Variants in EXT2 observed in about 807,000 individuals in gnomAD.
EXT2 encodes exostosin glycosyltransferase 2.
Under a neutral mutation model 81.6 loss-of-function variants are expected in EXT2, and 53 were observed. The ratio of observed to expected loss-of-function variants is 0.65; its 90% CI spans 0.52 to 0.82. EXT2 has a LOEUF of 0.82. Ranked by LOEUF, EXT2 falls within the 40% of genes least tolerant of loss-of-function variation. The probability of loss-of-function intolerance (pLI) is 0.00; values close to 1 mark genes in which losing one functional copy is unlikely to be tolerated. For synonymous variants in EXT2, 320 were observed against 340.0 expected (o/e 0.94, Z 0.65); for missense variants, 774 against 910.2 (o/e 0.85, Z 1.93).
chr11:44,137,942 A>G (rs1236894126), intron 7 of EXT2, among the ~76,000 whole-genome samples: 1 of 152,190 alleles, frequency 6.6e-6, no homozygotes, highest in East Asian at 1.9e-4. Context: ...AGTAATACAT[A>G]AATTATAAGG....
chr11:44,169,326 T>C (rs1265715880), intron 7 of EXT2, among the ~76,000 whole-genome samples: 1 of 151,978 alleles, frequency 6.6e-6, no homozygotes, highest in Non-Finnish European at 1.5e-5. Flanking sequence ...GCACAGCAGA[T>C]AGGAGAGAGC....
Position 44,236,219 on chromosome 11 carries a change from A to C in EXT2, c.1936-74A>C. On this transcript the variant is annotated intron_variant, in intron 12 of 13. Transcript: ENST00000533608. ...CTCAGCTTACAACACAAAAGAATGC[A>C]GTGTGGTGTCACAAGCATGATTTTA... The C allele has an allele frequency of 2.4e-6, 3 of 1,258,612 alleles. No individual in the cohort carries two copies. The South Asian group carries it at 3.6e-5, about 15-fold the overall frequency. The allele number at this position is 1,258,612 out of a possible 1,614,324, so 78.0% of individuals were successfully genotyped here.
chr11:44,132,196 C>T (rs1397773635), intron 7 of EXT2, among the ~76,000 whole-genome samples: 2 of 152,212 alleles, frequency 1.3e-5, no homozygotes, highest in African/African-American at 4.8e-5. Flanking sequence ...TTCTTCTCCA[C>T]CCCTCCACCC....
intron 10 of EXT2, among the ~76,000 whole-genome samples, chr11:44,219,112 A>G (rs369419429): frequency 6.0e-4 from 92 of 152,218 alleles, no homozygotes; most frequent in African/African-American, 2.0e-3. Flanking sequence ...AGAATCTGCA[A>G]TTCTAAATAA....
At chr11:44,129,080 T>C (rs1678168356) in intron 6 of EXT2, among the ~76,000 whole-genome samples, 1 of 152,234 alleles carries the variant, frequency 6.6e-6, no homozygotes, top group African/African-American at 2.4e-5. Flanking sequence ...CCACCACATC[T>C]AATCTGTTAG....
intron 7 of EXT2, among the ~76,000 whole-genome samples, chr11:44,161,213 A>T (rs541682547): frequency 6.6e-6 from 1 of 152,324 alleles, no homozygotes; most frequent in Admixed American, 6.5e-5. Context: ...TTTAAGGCAA[A>T]TGTCAGATTT....
chr11:44,195,793 A>G (rs1478077251), intron 8 of EXT2, among the ~76,000 whole-genome samples: 1 of 152,220 alleles, frequency 6.6e-6, no homozygotes, highest in Non-Finnish European at 1.5e-5. Flanking sequence ...ACCTTCTGGC[A>G]AAGATGGAAT....
intron 1 of EXT2, chr11:44,096,351 C>T (rs1383677547): frequency 6.6e-7 from 1 of 1,516,588 alleles, no homozygotes. Flanking sequence ...CATGTTATGC[C>T]GGGGACTGGG....
chr11:44,182,667 G>T (rs1955252126), intron 8 of EXT2, among the ~76,000 whole-genome samples: 1 of 152,042 alleles, frequency 6.6e-6, no homozygotes, highest in Non-Finnish European at 1.5e-5. Context: ...ATGTGTATGT[G>T]TATTTTTTCC....
intron 7 of EXT2, 101 bp downstream of exon 7, chr11:44,130,239 T>A (rs1422681074): frequency 1.2e-6 from 1 of 864,246 alleles, no homozygotes; most frequent in African/African-American, 1.7e-5. Context: ...TGGGGTTTAC[T>A]TCCTCCACTA....
chr11:44,168,767 A>G (rs1327300040), intron 7 of EXT2, among the ~76,000 whole-genome samples: 1 of 152,240 alleles, frequency 6.6e-6, no homozygotes, highest in Non-Finnish European at 1.5e-5. Context: ...TTATTTGGGT[A>G]AAAAGAAGCT....
At chr11:44,181,579 G>A (rs1367020030) in intron 8 of EXT2, among the ~76,000 whole-genome samples, 1 of 151,910 alleles carries the variant, frequency 6.6e-6, no homozygotes, top group African/African-American at 2.4e-5. Context: ...TATTTTCTCA[G>A]TTTTGTATTC....
At chr11:44,143,046 G>C (rs1954666906) in intron 7 of EXT2, among the ~76,000 whole-genome samples, 1 of 152,204 alleles carries the variant, frequency 6.6e-6, no homozygotes, top group Non-Finnish European at 1.5e-5. Context: ...CTGCCTCCCA[G>C]GTTCGAGCGA....
chr11:44,203,439 C>G (rs1215490074), intron 9 of EXT2, among the ~76,000 whole-genome samples: 2 of 152,106 alleles, frequency 1.3e-5, no homozygotes, highest in African/African-American at 4.8e-5. Flanking sequence ...AAGCAGGAAA[C>G]CCAGTCATGC....
intron 10 of EXT2, 25 bp downstream of exon 10, chr11:44,206,984 T>C (rs775424831): frequency 1.2e-6 from 2 of 1,610,174 alleles, no homozygotes; most frequent in Non-Finnish European, 1.7e-6. Context: ...CACAGTGTGT[T>C]TATATGTTTA....
chr11:44,096,432 G>T, intron 1 of EXT2: 1 of 1,150,690 alleles, frequency 8.7e-7, no homozygotes, highest in Non-Finnish European at 1.2e-6. Context: ...TTAGGCCGGG[G>T]ACTGGGTGGC....
chr11:44,140,602 C>T (rs903918566), intron 7 of EXT2, among the ~76,000 whole-genome samples: 3 of 152,306 alleles, frequency 2.0e-5, no homozygotes, highest in Middle Eastern at 3.4e-3. Flanking sequence ...ATCTCCTGCC[C>T]AGAATGTTTT....
intron 12 of EXT2, among the ~76,000 whole-genome samples, chr11:44,235,214 C>G (rs1287296616): frequency 6.7e-6 from 1 of 149,242 alleles, no homozygotes; most frequent in African/African-American, 2.5e-5. Flanking sequence ...CCCTTCCCAT[C>G]CCCAAATTTG....
intron 9 of EXT2, among the ~76,000 whole-genome samples, chr11:44,199,315 AG>A (rs1376302888): frequency 1.3e-5 from 2 of 149,982 alleles, no homozygotes; most frequent in East Asian, 3.9e-4. Context: ...AACTATGTAA[AG>A]AAGGAAATTG....
Sources: allele counts gnomAD v4.1 joint callset (sites outside exome capture counted in the v4.1 genomes callset), GRCh38; gene constraint gnomAD v4.1.1; transcripts MANE v1.5; gene names NCBI Gene and HGNC (gene_info 2026-07-23, HGNC 2026-07-21).